SLC30A8: variants seen among roughly 807,000 people sequenced by gnomAD.
SLC30A8 encodes the protein proton-coupled zinc antiporter SLC30A8.
SLC30A8 carries 27 observed loss-of-function variants against 36.9 expected under a neutral mutation model. The ratio of observed to expected loss-of-function variants is 0.73; its 90% CI spans 0.54 to 1.01. SLC30A8 has a LOEUF of 1.01. Among genes scored for constraint, SLC30A8 ranks in the 50% least tolerant of loss-of-function variants. The pLI is 0.00. For synonymous variants in SLC30A8, 164 were observed against 172.4 expected (o/e 0.95, Z 0.38); for missense variants, 439 against 452.0 (o/e 0.97, Z 0.26).
rs371051492 is a variant in SLC30A8, at chr8:117,140,349, C to T, written c.71+4951C>T. Among the ~76,000 whole-genome samples the T allele has an allele frequency of 1.2e-4, 18 of 151,994 alleles. No individual in the cohort carries two copies. The East Asian group carries it at 2.7e-3, about 23-fold the overall frequency. On this transcript the variant is annotated intron_variant, in intron 1 of 7. Coordinates refer to ENST00000456015, the MANE Select transcript of SLC30A8 (RefSeq NM_173851.3). ...GAAAAACAGTCAAAGAAATAGTGGC[C>T]CCAAACTTCTGAAGTTTGTTGAATA...
intron 1 of SLC30A8, among the ~76,000 whole-genome samples, chr8:116,988,255 C>T (rs990144121): frequency 2.0e-5 from 3 of 152,132 alleles, no homozygotes; most frequent in Non-Finnish European, 4.4e-5. Flanking sequence ...GAGCTCATGG[C>T]AAATAATTAG....
intron 1 of SLC30A8, among the ~76,000 whole-genome samples, chr8:116,989,096 A>G (rs1437092240): frequency 1.3e-5 from 2 of 152,358 alleles, no homozygotes; most frequent in Non-Finnish European, 2.9e-5. Flanking sequence ...TCTTAGAACT[A>G]TATCATATTT....
intron 1 of SLC30A8, among the ~76,000 whole-genome samples, chr8:117,004,780 T>C (rs1403659818): frequency 6.6e-6 from 1 of 152,192 alleles, no homozygotes; most frequent in Non-Finnish European, 1.5e-5. Flanking sequence ...GTTGATTGTT[T>C]TTATTTTTCT....
At chr8:117,029,521 A>G (rs1816970208) in intron 1 of SLC30A8, among the ~76,000 whole-genome samples, 2 of 152,216 alleles carry the variant, frequency 1.3e-5, no homozygotes, top group South Asian at 2.1e-4. Context: ...ACTTGCTTTG[A>G]AAACTAAAAT....
At chr8:117,135,708 T>A (rs7827851) in intron 1 of SLC30A8, among the ~76,000 whole-genome samples, 15,777 of 151,858 alleles carry the variant, frequency 0.1, 1,395 homozygotes, top group African/African-American at 0.24. Flanking sequence ...TTATTCTCAA[T>A]TTTAAGATAG....
chr8:117,076,263 C>T (rs1818484534), intron 2 of SLC30A8, among the ~76,000 whole-genome samples: 1 of 152,108 alleles, frequency 6.6e-6, no homozygotes, highest in Non-Finnish European at 1.5e-5. Context: ...CACCATCTTC[C>T]AAATATTTTT....
intron 1 of SLC30A8, among the ~76,000 whole-genome samples, chr8:117,004,539 A>G (rs1816111220): frequency 6.6e-6 from 1 of 151,546 alleles, no homozygotes; most frequent in Non-Finnish European, 1.5e-5. Flanking sequence ...ATATGGACAG[A>G]CTCTGACTCC....
intron 1 of SLC30A8, among the ~76,000 whole-genome samples, chr8:116,955,769 G>C (rs796165270): frequency 1.1e-4 from 17 of 152,030 alleles, no homozygotes; most frequent in African/African-American, 3.6e-4. Context: ...CAGAGATGCT[G>C]AGGTTTGTTG....
At chr8:117,044,177 G>C (rs1817475636) in intron 2 of SLC30A8, among the ~76,000 whole-genome samples, 1 of 152,174 alleles carries the variant, frequency 6.6e-6, no homozygotes, top group Admixed American at 6.5e-5. Flanking sequence ...AGAGCCTGGG[G>C]TAAAGTGTTC....
chr8:116,997,666 A>C (rs1815866520), intron 1 of SLC30A8, among the ~76,000 whole-genome samples: 1 of 152,198 alleles, frequency 6.6e-6, no homozygotes, highest in Non-Finnish European at 1.5e-5. Context: ...AACACCCCAG[A>C]CAGTGTTTTG....
At chr8:116,951,496 A>G (rs1563718788) in intron 1 of SLC30A8, among the ~76,000 whole-genome samples, 1 of 152,088 alleles carries the variant, frequency 6.6e-6, no homozygotes, top group Non-Finnish European at 1.5e-5. Flanking sequence ...AGCACATCCG[A>G]TGTAAGTTTG....
chr8:117,075,572 A>G lies in SLC30A8; in HGVS notation c.-226+36314A>G, dbSNP rs1207148806. Among the ~76,000 whole-genome samples the G allele has an allele frequency of 2.6e-5, 4 of 152,290 alleles. No individual in the cohort carries two copies. The South Asian group carries it at 8.3e-4, about 32-fold the overall frequency. On this transcript the variant is annotated intron_variant, in intron 2 of 10. Coordinates refer to the SLC30A8 transcript ENST00000427715. ...TATGTGCTTTGTGGCTTCAAATGCAATTTTAATCAAGTTCATATGAAAGTT... is the reference window on the plus strand; with the variant it reads ...TATGTGCTTTGTGGCTTCAAATGCAGTTTTAATCAAGTTCATATGAAAGTT...
chr8:117,000,707 G>A (rs1030081755), intron 1 of SLC30A8, among the ~76,000 whole-genome samples: 2 of 152,172 alleles, frequency 1.3e-5, no homozygotes, highest in Non-Finnish European at 2.9e-5. Flanking sequence ...AGTGGGTGCT[G>A]TGCCAAGAAT....
chr8:117,104,948 C>T (rs1819914776), intron 2 of SLC30A8, among the ~76,000 whole-genome samples: 1 of 152,100 alleles, frequency 6.6e-6, no homozygotes, highest in South Asian at 2.1e-4. Context: ...TGTCATGGCA[C>T]TGGTGAGGGT....
intron 1 of SLC30A8, among the ~76,000 whole-genome samples, chr8:116,955,369 A>G (rs1192701578): frequency 1.3e-5 from 2 of 152,180 alleles, no homozygotes; most frequent in Non-Finnish European, 2.9e-5. Context: ...AGACACAAAA[A>G]GATACACAGA....
At chr8:116,982,043 A>G (rs1377765582) in intron 1 of SLC30A8, among the ~76,000 whole-genome samples, 1 of 152,180 alleles carries the variant, frequency 6.6e-6, no homozygotes, top group East Asian at 1.9e-4. Context: ...AGCAGTGTAT[A>G]AACATTCCCT....
Position 117,172,877 on chromosome 8 carries a change from A to G in SLC30A8, c.*196A>G, listed in dbSNP as rs755896361. ...GATCCATCAATCAATTGGATTATAT[A>G]CTGATCAGTAGCTGTGTTCAATTGC... On this transcript the variant is annotated 3_prime_UTR_variant, in exon 8 of 8. Transcript: ENST00000456015. 9 of 624,896 alleles carry G rather than the reference A, an allele frequency of 1.4e-5. No homozygotes were observed. The highest frequency in any genetic ancestry group is 2.5e-5 in the Non-Finnish European group (9 of 361,936). The allele number at this position is 624,896 out of a possible 1,614,324, so 38.7% of individuals were successfully genotyped here.
chr8:116,964,607 A>G (rs1814538358), intron 1 of SLC30A8, among the ~76,000 whole-genome samples: 1 of 152,190 alleles, frequency 6.6e-6, no homozygotes. Flanking sequence ...CCCATTTCCT[A>G]GGTTTGAATC....
At chr8:117,010,428 A>G (rs1409988682) in intron 1 of SLC30A8, among the ~76,000 whole-genome samples, 1 of 152,208 alleles carries the variant, frequency 6.6e-6, no homozygotes, top group Admixed American at 6.5e-5. Context: ...TAAGCAGTTC[A>G]TTTAAACCTC....
Sources: allele counts gnomAD v4.1 joint callset (sites outside exome capture counted in the v4.1 genomes callset), GRCh38; gene constraint gnomAD v4.1.1; transcripts MANE v1.5; gene names NCBI Gene and HGNC (gene_info 2026-07-23, HGNC 2026-07-21).